Variants in RAB6A observed in about 807,000 individuals in gnomAD.
The protein encoded by RAB6A is ras-related protein Rab-6A.
In RAB6A, 8 loss-of-function variants were observed where a neutral mutation model predicts 32.3. That is an observed-to-expected ratio of 0.25 (90% confidence interval 0.15 to 0.45). The LOEUF (loss-of-function observed/expected upper bound fraction) is 0.45. RAB6A is among the 20% of genes least tolerant of loss of function. The pLI is 1.00. For synonymous variants in RAB6A, 73 were observed against 82.1 expected (o/e 0.89, Z 0.60); for missense variants, 104 against 249.4 (o/e 0.42, Z 3.93).
chr11:73,720,089 G>A (rs979841692), intron 3 of RAB6A, among the ~76,000 whole-genome samples: 1 of 151,890 alleles, frequency 6.6e-6, no homozygotes, highest in Admixed American at 6.6e-5. Flanking sequence ...CTCTTCAAGG[G>A]GTAGTGGGCT....
At chr11:73,689,327 A>T (rs1303540446) in intron 6 of RAB6A, among the ~76,000 whole-genome samples, 3 of 152,168 alleles carry the variant, frequency 2.0e-5, no homozygotes, top group Admixed American at 6.5e-5. Context: ...TGCAACCTAG[A>T]TCCCTCCAAT....
At chr11:73,753,749 GT>G (rs1232757956) in intron 1 of RAB6A, among the ~76,000 whole-genome samples, 2 of 151,680 alleles carry the variant, frequency 1.3e-5, no homozygotes, top group African/African-American at 4.8e-5. Flanking sequence ...CAGACCTCAA[GT>G]GATCTGCCCA....
intron 5 of RAB6A, 43 bp from the exon 6 acceptor site, chr11:73,707,556 C>T (rs757229817): frequency 2.2e-6 from 3 of 1,386,584 alleles, no homozygotes; most frequent in Non-Finnish European, 3.1e-6. Flanking sequence ...AGACATGAGG[C>T]AGTATTATAA....
chr11:73,713,198 C>T (rs1945992707), intron 5 of RAB6A, among the ~76,000 whole-genome samples: 1 of 152,174 alleles, frequency 6.6e-6, no homozygotes, highest in Non-Finnish European at 1.5e-5. Flanking sequence ...ATGGTTAATT[C>T]TCAGTCTTCA....
chr11:73,740,664 G>C (rs954534502), intron 1 of RAB6A, among the ~76,000 whole-genome samples: 3 of 151,984 alleles, frequency 2.0e-5, no homozygotes, highest in African/African-American at 7.3e-5. Flanking sequence ...CAAGGCAGGC[G>C]GATCACCTGA....
intron 6 of RAB6A, among the ~76,000 whole-genome samples, chr11:73,699,908 T>C (rs1318770353): frequency 6.6e-6 from 1 of 152,166 alleles, no homozygotes; most frequent in East Asian, 1.9e-4. Flanking sequence ...CATATACTAT[T>C]TCAGCCAATA....
chr11:73,743,541 C>T (rs1946534438), intron 1 of RAB6A, among the ~76,000 whole-genome samples: 1 of 151,836 alleles, frequency 6.6e-6, no homozygotes, highest in South Asian at 2.1e-4. Flanking sequence ...GTGGGAGGAT[C>T]ACTTGAGCCC....
At chr11:73,700,329 C>CA (rs1945720363) in intron 6 of RAB6A, among the ~76,000 whole-genome samples, 1 of 152,128 alleles carries the variant, frequency 6.6e-6, no homozygotes, top group African/African-American at 2.4e-5. Flanking sequence ...GGCCAGGCAC[C>CA]ATGGCTCACA....
intron 1 of RAB6A, among the ~76,000 whole-genome samples, chr11:73,740,901 A>AC (rs1946485434): frequency 6.6e-6 from 1 of 151,910 alleles, no homozygotes; most frequent in Non-Finnish European, 1.5e-5. Flanking sequence ...AAAAAAGAAA[A>AC]AAAAAAACTA....
intron 6 of RAB6A, among the ~76,000 whole-genome samples, chr11:73,698,157 A>G (rs1163825497): frequency 6.6e-6 from 1 of 152,100 alleles, no homozygotes; most frequent in African/African-American, 2.4e-5. Context: ...GGAGGCAGAG[A>G]TTGCAGTGAG....
rs1377428797 is a variant in RAB6A at position 73,705,319 on chromosome 11, A to G, written c.495+2101T>C. ...TTCCAGCACTCTGGGAGACAGAGGC[A>G]GGCAGATCACTTAAGGCCAGGAGTT... is the stretch of plus-strand genomic sequence containing the variant. On this transcript the variant is annotated intron_variant, in intron 6 of 7. Coordinates refer to ENST00000336083, the MANE Select transcript of RAB6A (RefSeq NM_198896.2). Among the ~76,000 whole-genome samples the G allele has an allele frequency of 5.3e-5, 8 of 152,316 alleles. No individual in the cohort carries two copies. The East Asian group carries it at 1.5e-3, about 29-fold the overall frequency.
chr11:73,707,478 T>G lies in RAB6A; in HGVS notation c.437A>C (p.Lys146Thr), dbSNP rs767501575. ...VSIEEGERKA[K>T]ELNVMFIETS... ...TTCAATAAACATAACATTCAGCTCTTTGGCTTTCCTCTCTCCCTCCTCAAT... is the reference window on the plus strand; with the variant it reads ...TTCAATAAACATAACATTCAGCTCTGTGGCTTTCCTCTCTCCCTCCTCAAT... Residue 146 changes from lysine to threonine, a missense_variant, in exon 6 of 8, where the codon AAA (lysine) becomes ACA (threonine). Physicochemically the swap from Lys to Thr is moderately conservative, Grantham distance 78. This residue lies in a region of RAB6A where 21 missense variants were observed against 18.2 expected (regional missense o/e 1.15). Coordinates refer to ENST00000336083, the MANE Select transcript of RAB6A (RefSeq NM_198896.2). 4 of 1,613,794 alleles carry G rather than the reference T, an allele frequency of 2.5e-6. No individual in the cohort carries two copies. The East Asian group carries it at 8.9e-5, about 36-fold the overall frequency.
chr11:73,728,646 T>TAATAATAATAAA (rs1253118702), intron 2 of RAB6A, among the ~76,000 whole-genome samples: 2 of 148,142 alleles, frequency 1.4e-5, no homozygotes, highest in Non-Finnish European at 3.0e-5. Context: ...ATAATAATAA[T>TAATAATAATAAA]AAATGAAATA....
chr11:73,703,512 T>G (rs1945780163), intron 6 of RAB6A, among the ~76,000 whole-genome samples: 1 of 152,042 alleles, frequency 6.6e-6, no homozygotes, highest in African/African-American at 2.4e-5. Flanking sequence ...AAGGCTGAGG[T>G]GGGCGTATCA....
At chr11:73,741,420 G>C (rs1015406409) in intron 1 of RAB6A, among the ~76,000 whole-genome samples, 2 of 152,034 alleles carry the variant, frequency 1.3e-5, no homozygotes, top group Non-Finnish European at 2.9e-5. Flanking sequence ...TTATAGGCGT[G>C]AGCCACCGTG....
chr11:73,760,470 G>GGCGGGCAGGGAGCCTCC, intron 1 of RAB6A, 96 bp downstream of exon 1: 1 of 1,452,848 alleles, frequency 6.9e-7, no homozygotes, highest in Non-Finnish European at 9.2e-7. Context: ...GCGGACGCGA[G>GGCGGGCAGGGAGCCTCC]GCGGGCAGGG....
intron 5 of RAB6A, 28 bp from the exon 6 acceptor site, chr11:73,707,541 T>G: frequency 2.0e-6 from 3 of 1,478,662 alleles, no homozygotes; most frequent in Non-Finnish European, 2.8e-6. Flanking sequence ...AACTTCTTAC[T>G]TTTGAGACAT....
chr11:73,740,897 G>GAA (rs568757703), intron 1 of RAB6A, among the ~76,000 whole-genome samples: 167 of 141,292 alleles, frequency 1.2e-3, no homozygotes, highest in Non-Finnish European at 2.0e-3. Context: ...TTAAAAAAAA[G>GAA]AAAAAAAAAA....
chr11:73,736,394 A>G (rs932066882), intron 1 of RAB6A, among the ~76,000 whole-genome samples: 9 of 150,928 alleles, frequency 6.0e-5, no homozygotes, highest in Non-Finnish European at 1.2e-4. Context: ...GTGCCACTGC[A>G]CTCCAGCCTG....
Sources: gnomAD v4.1 joint callset for allele counts (sites outside exome capture counted in the v4.1 genomes callset) on GRCh38, gnomAD v4.1.1 for gene constraint, gnomAD v4.1.1 regional missense constraint, MANE v1.5 for transcripts, NCBI Gene and HGNC (gene_info 2026-07-23, HGNC 2026-07-21) for gene names.